The following RP1 variants were observed in gnomAD, a reference collection of about 807,000 sequenced individuals.
RP1 encodes the protein oxygen-regulated protein 1.
Under a neutral mutation model 14.8 loss-of-function variants are expected in RP1, and 16 were observed. The ratio of observed to expected loss-of-function variants is 1.08; its 90% CI spans 0.73 to 1.65. The LOEUF is 1.65. Ranked by LOEUF, RP1 falls within the 40% of genes most tolerant of loss-of-function variation. RP1 has a pLI of 0.00. For synonymous variants in RP1, 876 were observed against 883.6 expected, an observed-to-expected ratio of 0.99 and a Z score of 0.15; for missense variants, 2,631 against 2,535.0, an observed-to-expected ratio of 1.04 and a Z score of -0.81.
chr8:54,617,244 CT>C (rs1280533976), intron 1 of RP1, among the ~76,000 whole-genome samples: 1 of 152,214 alleles, frequency 6.6e-6, no homozygotes, highest in Non-Finnish European at 1.5e-5. Flanking sequence ...TCAGCCTAAA[CT>C]TCTGGGAGAA....
intron 24 of RP1, among the ~76,000 whole-genome samples, chr8:54,823,392 G>A (rs879477446): frequency 5.3e-5 from 8 of 151,974 alleles, no homozygotes; most frequent in African/African-American, 1.5e-4. Context: ...GTGCAGTGGC[G>A]CCACCTTGGG....
chr8:54,732,674 C>G (rs1281848480), intron 17 of RP1, among the ~76,000 whole-genome samples: 1 of 152,146 alleles, frequency 6.6e-6, no homozygotes, highest in Non-Finnish European at 1.5e-5. Flanking sequence ...GAGTCTTTGT[C>G]AGTAGAGATC....
chr8:54,635,598 A>AT (rs1806331501), downstream of RP1, among the ~76,000 whole-genome samples: 1 of 152,164 alleles, frequency 6.6e-6, no homozygotes, highest in South Asian at 2.1e-4. Context: ...CTCAGCATCC[A>AT]TTTTTAGGAT....
At chr8:54,637,856 C>A (rs1186179732) in intron 3 of RP1, among the ~76,000 whole-genome samples, 1 of 152,054 alleles carries the variant, frequency 6.6e-6, no homozygotes, top group African/African-American at 2.4e-5. Flanking sequence ...TGAACTCTTC[C>A]CCAGGGCTGA....
At chr8:54,783,498 ATG>A (rs2129380760) in intron 23 of RP1, 1 of 928,138 alleles carries the variant, frequency 1.1e-6, no homozygotes, top group East Asian at 3.3e-5. Context: ...CCTAATATTA[ATG>A]TGTTTTTCCC....
intron 19 of RP1, among the ~76,000 whole-genome samples, chr8:54,742,772 T>G (rs2129360397): frequency 6.6e-6 from 1 of 152,292 alleles, no homozygotes; most frequent in African/African-American, 2.4e-5. Flanking sequence ...TAGAAGAAAC[T>G]TACCCATGAG....
intron 1 of RP1, among the ~76,000 whole-genome samples, chr8:54,583,716 G>C (rs1222358963): frequency 1.3e-5 from 2 of 152,016 alleles, no homozygotes; most frequent in Non-Finnish European, 2.9e-5. Context: ...ACTTCTTCCT[G>C]GTTTAGTCTT....
chr8:54,759,535 G>T (rs767187382), intron 22 of RP1, among the ~76,000 whole-genome samples: 16 of 151,938 alleles, frequency 1.1e-4, no homozygotes, highest in African/African-American at 3.4e-4. Flanking sequence ...GCCCCATGAG[G>T]GTCAGTCCTG....
intron 24 of RP1, among the ~76,000 whole-genome samples, chr8:54,786,798 T>C (rs1810329569): frequency 6.6e-6 from 1 of 152,142 alleles, no homozygotes; most frequent in Non-Finnish European, 1.5e-5. Flanking sequence ...CTCCATGAAA[T>C]CTTCCATGAT....
intron 25 of RP1, among the ~76,000 whole-genome samples, chr8:54,838,280 T>C (rs1364506051): frequency 6.6e-6 from 1 of 152,242 alleles, no homozygotes; most frequent in Non-Finnish European, 1.5e-5. Context: ...TTTTCTTTTT[T>C]GCTTGAAAGC....
intron 12 of RP1, among the ~76,000 whole-genome samples, chr8:54,687,155 T>C (rs1807584571): frequency 6.6e-6 from 1 of 152,078 alleles, no homozygotes; most frequent in Non-Finnish European, 1.5e-5. Flanking sequence ...AAAGTAAAAG[T>C]CTAAAAAGCA....
At chr8:54,679,942 A>G (rs1288189920) in intron 12 of RP1, 82 of 1,535,658 alleles carry the variant, frequency 5.3e-5, no homozygotes, top group South Asian at 7.1e-5. Context: ...TGGTAAAACT[A>G]TCGTACAAAG....
chr8:54,823,601 A>G (rs1811309529), intron 24 of RP1, among the ~76,000 whole-genome samples: 1 of 151,866 alleles, frequency 6.6e-6, no homozygotes, highest in Admixed American at 6.6e-5. Flanking sequence ...AAATACTGGG[A>G]TTACAGACAT....
chr8:54,833,289 T>G (rs1301130526), intron 24 of RP1, among the ~76,000 whole-genome samples: 1 of 151,878 alleles, frequency 6.6e-6, no homozygotes, highest in Non-Finnish European at 1.5e-5. Context: ...AATGCCCTCA[T>G]GCAAAAAGCT....
intron 25 of RP1, among the ~76,000 whole-genome samples, chr8:54,838,669 G>T (rs189713999): frequency 1.2e-4 from 18 of 152,242 alleles, no homozygotes; most frequent in Admixed American, 7.2e-4. Context: ...ACGTGTGTGT[G>T]CATATTCCTG....
intron 24 of RP1, among the ~76,000 whole-genome samples, chr8:54,802,505 G>A (rs1810737920): frequency 1.3e-5 from 2 of 152,180 alleles, no homozygotes; most frequent in Admixed American, 6.5e-5. Flanking sequence ...CTCTATCAAA[G>A]TTCTTAGGAA....
At chr8:54,657,530 C>A (rs1280682005) in intron 6 of RP1, among the ~76,000 whole-genome samples, 12 of 152,104 alleles carry the variant, frequency 7.9e-5, no homozygotes, top group Non-Finnish European at 7.4e-5. Flanking sequence ...ATGATTTACC[C>A]TTGCCATATT....
At chr8:54,691,878 CAT>C (rs1807720432) in intron 12 of RP1, among the ~76,000 whole-genome samples, 1 of 151,662 alleles carries the variant, frequency 6.6e-6, no homozygotes, top group Admixed American at 6.6e-5. Flanking sequence ...AGGTTTGTTA[CAT>C]ATGTATACAT....
At chr8:54,854,042 T>C (rs1812129280) in intron 26 of RP1, among the ~76,000 whole-genome samples, 1 of 151,998 alleles carries the variant, frequency 6.6e-6, no homozygotes, top group African/African-American at 2.4e-5. Flanking sequence ...AAAAGAAATA[T>C]ACTATGTTCA....
Sources: gnomAD v4.1 joint callset for allele counts (sites outside exome capture counted in the v4.1 genomes callset) on GRCh38, gnomAD v4.1.1 for gene constraint, MANE v1.5 for transcripts, NCBI Gene and HGNC (gene_info 2026-07-23, HGNC 2026-07-21) for gene names.